FKBP5: variants seen among roughly 807,000 people sequenced by gnomAD.
FKBP5 encodes the protein FKBP prolyl isomerase 5, also known as peptidyl-prolyl cis-trans isomerase FKBP5.
FKBP5 carries 23 observed loss-of-function variants against 50.5 expected under a neutral mutation model. That is an observed-to-expected ratio of 0.46 (90% confidence interval 0.33 to 0.65). FKBP5 has a LOEUF of 0.65. FKBP5 is among the 30% of genes least tolerant of loss of function. The pLI, the probability that FKBP5 is intolerant of heterozygous loss-of-function variation, is 0.02. For synonymous variants in FKBP5, 176 were observed against 190.6 expected (o/e 0.92, Z 0.63); for missense variants, 411 against 553.1 (o/e 0.74, Z 2.58).
Position 35,577,120 on chromosome 6 carries a change from T to C in FKBP5, c.1140A>G (p.Val380=). The C allele has an allele frequency of 6.2e-7, 1 of 1,614,226 alleles. No individual in the cohort carries two copies. Among genetic ancestry groups the C allele is most frequent in the Non-Finnish European group, 8.5e-7 (1 of 1,180,030 alleles). The change falls in exon 10 of 11, where the codon GTA becomes GTG. Residue 380 remains valine (V), a synonymous_variant. Transcript: ENST00000357266. ...GTCTTGCAGCCTTATTCTGGGGGTT[T>C]ACTTCCAGCACTTTCTCAAAGTCAC... ...AKGDFEKVLE[V]NPQNKAARLQ...
At chr6:35,581,781 TG>T in intron 8 of FKBP5, 1 of 985,470 alleles carries the variant, frequency 1.0e-6, no homozygotes, top group Non-Finnish European at 1.2e-6. Context: ...TCCTGCCAGA[TG>T]GCAGAGGAGC....
At chr6:35,586,139 T>C in intron 8 of FKBP5, 8 of 984,912 alleles carry the variant, frequency 8.1e-6, no homozygotes, top group Non-Finnish European at 9.6e-6. Flanking sequence ...CCCTTTCTGC[T>C]TGACATGGAG....
At chr6:35,626,462 T>C (rs1229460506) in intron 3 of FKBP5, among the ~76,000 whole-genome samples, 1 of 152,168 alleles carries the variant, frequency 6.6e-6, no homozygotes, top group Non-Finnish European at 1.5e-5. Context: ...ACATAATGTT[T>C]TCTCCTTGAG....
intron 2 of FKBP5, among the ~76,000 whole-genome samples, chr6:35,698,813 GGTGCAACAC>G (rs1766128938): frequency 6.6e-6 from 1 of 152,086 alleles, no homozygotes; most frequent in Non-Finnish European, 1.5e-5. Flanking sequence ...TGAGCAGGGA[GGTGCAACAC>G]GTTTTTAAAC....
chr6:35,703,336 C>T (rs1023630950), intron 2 of FKBP5, among the ~76,000 whole-genome samples: 3 of 151,824 alleles, frequency 2.0e-5, no homozygotes, highest in African/African-American at 4.8e-5. Context: ...CACTTGAACC[C>T]GGGAGGCGGA....
intron 1 of FKBP5, among the ~76,000 whole-genome samples, chr6:35,683,024 A>G (rs1261173962): frequency 2.6e-5 from 4 of 151,248 alleles, no homozygotes; most frequent in African/African-American, 9.7e-5. Context: ...GTGTATATAT[A>G]TGTCTCTTCC....
chr6:35,698,588 A>C (rs1215990184), intron 2 of FKBP5, among the ~76,000 whole-genome samples: 3 of 152,162 alleles, frequency 2.0e-5, no homozygotes, highest in Non-Finnish European at 1.5e-5. Flanking sequence ...CAGAGGTTGC[A>C]ATGAGCCAAG....
At chr6:35,723,678 T>C (rs1043504942) in intron 1 of FKBP5, among the ~76,000 whole-genome samples, 1 of 152,218 alleles carries the variant, frequency 6.6e-6, no homozygotes, top group African/African-American at 2.4e-5. Context: ...AGACAAAATG[T>C]GCCCATGAGA....
intron 1 of FKBP5, among the ~76,000 whole-genome samples, chr6:35,643,207 T>A (rs892946317): frequency 6.6e-6 from 1 of 152,152 alleles, no homozygotes; most frequent in Non-Finnish European, 1.5e-5. Flanking sequence ...ACCTTATCAG[T>A]TCTTAATAAA....
chr6:35,663,661 C>CT (rs1357174667), intron 1 of FKBP5, among the ~76,000 whole-genome samples: 6 of 152,224 alleles, frequency 3.9e-5, no homozygotes, highest in Admixed American at 2.0e-4. Flanking sequence ...TTTGCACTTG[C>CT]TATCCCCACT....
intron 8 of FKBP5, chr6:35,586,648 C>G (rs369811718): frequency 3.0e-6 from 3 of 1,013,296 alleles, no homozygotes; most frequent in Non-Finnish European, 3.5e-6. Context: ...GTGAAACTTA[C>G]CCTTATGAAT....
At chr6:35,631,881 G>A (rs1222771911) in intron 3 of FKBP5, among the ~76,000 whole-genome samples, 1 of 151,320 alleles carries the variant, frequency 6.6e-6, no homozygotes, top group Non-Finnish European at 1.5e-5. Flanking sequence ...CTTGAATCCG[G>A]GAGGCGGAGG....
At chr6:35,615,594 CATA>C (rs1338335787) in intron 5 of FKBP5, among the ~76,000 whole-genome samples, 1 of 151,988 alleles carries the variant, frequency 6.6e-6, no homozygotes, top group Admixed American at 6.6e-5. Flanking sequence ...TACACAGATC[CATA>C]ATGATATAAA....
chr6:35,594,827 T>C (rs2150962888), intron 6 of FKBP5, among the ~76,000 whole-genome samples: 1 of 152,340 alleles, frequency 6.6e-6, no homozygotes, highest in Middle Eastern at 3.4e-3. Flanking sequence ...TTTCTAAATA[T>C]GCTAAATTAT....
At chr6:35,698,962 G>T (rs1379642654) in intron 2 of FKBP5, among the ~76,000 whole-genome samples, 2 of 152,182 alleles carry the variant, frequency 1.3e-5, no homozygotes, top group African/African-American at 2.4e-5. Context: ...TAACACTGGG[G>T]ATTACAATTC....
At position 35,573,891 on chromosome 6, in the gene FKBP5, C is replaced by T. The variant is rs573584210; in HGVS notation, c.*1944G>A. 6.6e-6 allele frequency: 1 copy of T among 152,330 alleles called. No homozygotes were observed. The highest frequency in any genetic ancestry group is 1.5e-5 in the Non-Finnish European group (1 of 68,026). The allele number at this position is 152,330 out of a possible 1,614,324, so 9.4% of individuals were successfully genotyped here. Reference sequence around the variant, plus strand: ...ACTTTTGCCAGTTCCCCCTGGTGAACCATAATACACACGTGGGAGACAGCT... The same window carrying T: ...ACTTTTGCCAGTTCCCCCTGGTGAATCATAATACACACGTGGGAGACAGCT... On this transcript the variant is annotated 3_prime_UTR_variant, in exon 11 of 11. Coordinates refer to ENST00000357266, the MANE Select transcript of FKBP5 (RefSeq NM_004117.4).
intron 2 of FKBP5, among the ~76,000 whole-genome samples, chr6:35,711,309 T>C (rs1581900423): frequency 8.6e-6 from 1 of 115,662 alleles, no homozygotes; most frequent in Non-Finnish European, 1.8e-5. Flanking sequence ...AAAGTCCCTG[T>C]CTCAAAAGAA....
intron 1 of FKBP5, among the ~76,000 whole-genome samples, chr6:35,643,277 C>G (rs1024992844): frequency 1.3e-5 from 2 of 152,074 alleles, no homozygotes; most frequent in African/African-American, 4.8e-5. Flanking sequence ...TCCAACAGAC[C>G]CAAGTCTGGG....
At chr6:35,624,004 T>G (rs1283791929) in intron 3 of FKBP5, among the ~76,000 whole-genome samples, 1 of 151,902 alleles carries the variant, frequency 6.6e-6, no homozygotes, top group Non-Finnish European at 1.5e-5. Flanking sequence ...TCAGCCCAGT[T>G]TTTTTCCTTT....
Sources: gnomAD v4.1 joint callset for allele counts (sites outside exome capture counted in the v4.1 genomes callset) on GRCh38, gnomAD v4.1.1 for gene constraint, MANE v1.5 for transcripts, NCBI Gene and HGNC (gene_info 2026-07-23, HGNC 2026-07-21) for gene names.